CDH13: variants seen among roughly 807,000 people sequenced by gnomAD.
CDH13 encodes the protein cadherin-13.
A neutral mutation model predicts 63.8 loss-of-function variants in CDH13; 24 were observed. That is an observed-to-expected ratio of 0.38 (90% CI 0.27 to 0.53). CDH13 has a LOEUF of 0.53. CDH13 is among the 20% of genes least tolerant of loss of function. CDH13 has a pLI of 0.85. For missense variants in CDH13, 1,049 were observed against 903.1 expected (o/e 1.16, Z -2.07); for synonymous variants, 503 against 355.3 (o/e 1.42, Z -4.67).
chr16:83,000,693 C>T (rs2151422511), intron 2 of CDH13, among the ~76,000 whole-genome samples: 1 of 151,392 alleles, frequency 6.6e-6, no homozygotes, highest in African/African-American at 2.4e-5. Context: ...CATTCTCCTG[C>T]CTCAGCTTCC....
intron 2 of CDH13, among the ~76,000 whole-genome samples, chr16:83,010,506 G>C (rs1597401695): frequency 6.6e-6 from 1 of 152,124 alleles, no homozygotes; most frequent in Non-Finnish European, 1.5e-5. Context: ...ATCTCCTTTT[G>C]AGCACTTAAT....
chr16:83,068,861 G>T (rs1456193216), intron 3 of CDH13, among the ~76,000 whole-genome samples: 1 of 152,046 alleles, frequency 6.6e-6, no homozygotes, highest in Non-Finnish European at 1.5e-5. Flanking sequence ...TCAATTTCTG[G>T]CCAATGTCTA....
chr16:82,842,682 C>T (rs1350280708), intron 1 of CDH13, among the ~76,000 whole-genome samples: 1 of 151,710 alleles, frequency 6.6e-6, no homozygotes, highest in Non-Finnish European at 1.5e-5. Context: ...ATGATTCAAG[C>T]ACATTACATT....
chr16:82,957,271 G>A (rs1488050485), intron 2 of CDH13, among the ~76,000 whole-genome samples: 1 of 152,040 alleles, frequency 6.6e-6, no homozygotes, highest in Admixed American at 6.6e-5. Flanking sequence ...AAGAGCTATT[G>A]GTCTTTCTTT....
chr16:83,049,071 A>T (rs1006580796), intron 3 of CDH13, among the ~76,000 whole-genome samples: 4 of 152,182 alleles, frequency 2.6e-5, no homozygotes, highest in African/African-American at 9.6e-5. Context: ...TCTCTGAAGC[A>T]ATTAATTTTT....
intron 6 of CDH13, among the ~76,000 whole-genome samples, chr16:83,348,804 G>C (rs1000289436): frequency 6.6e-6 from 1 of 152,200 alleles, no homozygotes; most frequent in Non-Finnish European, 1.5e-5. Context: ...GATTCAGTGA[G>C]ACAACATGCT....
chr16:83,481,382 G>A (rs2073756749), intron 6 of CDH13, among the ~76,000 whole-genome samples: 1 of 152,172 alleles, frequency 6.6e-6, no homozygotes, highest in Non-Finnish European at 1.5e-5. Context: ...GTCTTTTGGA[G>A]CATCCCCATC....
intron 1 of CDH13, among the ~76,000 whole-genome samples, chr16:82,846,731 C>A (rs917568927): frequency 1.3e-5 from 2 of 152,132 alleles, no homozygotes; most frequent in African/African-American, 2.4e-5. Context: ...GGGTTTTATT[C>A]ATTTTTCCAT....
At chr16:83,079,167 T>A (rs1407907907) in intron 3 of CDH13, among the ~76,000 whole-genome samples, 1 of 152,196 alleles carries the variant, frequency 6.6e-6, no homozygotes, top group African/African-American at 2.4e-5. Flanking sequence ...GCCAAAAGTT[T>A]ATAGCAGTTT....
intron 2 of CDH13, among the ~76,000 whole-genome samples, chr16:83,009,471 T>C (rs1245034758): frequency 1.3e-5 from 2 of 152,170 alleles, no homozygotes; most frequent in Non-Finnish European, 2.9e-5. Context: ...TCACTTTTTT[T>C]CCTCCAGACA....
intron 1 of CDH13, among the ~76,000 whole-genome samples, chr16:82,834,518 G>A (rs188092469): frequency 2.1e-4 from 32 of 152,250 alleles, no homozygotes; most frequent in Admixed American, 1.3e-3. Flanking sequence ...TTGGTGAAGC[G>A]TAGTCATTCA....
chr16:83,490,220 A>G (rs771994598), intron 7 of CDH13, among the ~76,000 whole-genome samples: 3 of 152,192 alleles, frequency 2.0e-5, no homozygotes, highest in Non-Finnish European at 4.4e-5. Flanking sequence ...TCTTAAGTGC[A>G]TCTACCAAGG....
At chr16:82,961,264 G>T (rs1285998024) in intron 2 of CDH13, among the ~76,000 whole-genome samples, 1 of 152,118 alleles carries the variant, frequency 6.6e-6, no homozygotes, top group Non-Finnish European at 1.5e-5. Context: ...TAAAACCCCG[G>T]CCTTTGGCTT....
chr16:82,765,929 C>G (rs1391591796), intron 1 of CDH13, among the ~76,000 whole-genome samples: 2 of 152,186 alleles, frequency 1.3e-5, no homozygotes, highest in African/African-American at 2.4e-5. Context: ...TAAATCACTT[C>G]TCATAAAATC....
intron 8 of CDH13, among the ~76,000 whole-genome samples, chr16:83,658,035 T>C (rs1310836487): frequency 1.1e-5 from 1 of 89,754 alleles, no homozygotes; most frequent in Non-Finnish European, 2.4e-5. Context: ...AGGTCCCATG[T>C]CCTCACCAGC....
intron 10 of CDH13, among the ~76,000 whole-genome samples, chr16:83,747,235 A>T (rs1912667471): frequency 6.6e-6 from 1 of 152,178 alleles, no homozygotes; most frequent in Non-Finnish European, 1.5e-5. Flanking sequence ...TCCTCACCCA[A>T]GTCTCATCTT....
At chr16:83,309,430 C>T (rs1469274584) in intron 5 of CDH13, among the ~76,000 whole-genome samples, 1 of 152,040 alleles carries the variant, frequency 6.6e-6, no homozygotes, top group African/African-American at 2.4e-5. Context: ...GGCTGGAGTG[C>T]AGTGGCATGA....
At chr16:83,255,204 G>T (rs1030666564) in intron 5 of CDH13, among the ~76,000 whole-genome samples, 1 of 152,148 alleles carries the variant, frequency 6.6e-6, no homozygotes, top group African/African-American at 2.4e-5. Flanking sequence ...ATTGTGCCAA[G>T]TATGGGCACA....
At chr16:83,197,403 G>C (rs1187470681) in intron 4 of CDH13, among the ~76,000 whole-genome samples, 1 of 152,068 alleles carries the variant, frequency 6.6e-6, no homozygotes, top group Non-Finnish European at 1.5e-5. Flanking sequence ...GCAATTATGT[G>C]ATTTTAGTTA....
Sources: gnomAD v4.1 joint callset for allele counts (sites outside exome capture counted in the v4.1 genomes callset) on GRCh38, gnomAD v4.1.1 for gene constraint, MANE v1.5 for transcripts, NCBI Gene and HGNC (gene_info 2026-07-23, HGNC 2026-07-21) for gene names.